Variants in FHOD3 observed in about 807,000 individuals in gnomAD.
The protein encoded by FHOD3 is formin homology 2 domain containing 3.
FHOD3 carries 90 observed loss-of-function variants against 173.0 expected under a neutral mutation model. The observed-to-expected ratio is 0.52, with a 90% confidence interval of 0.44 to 0.62. The LOEUF is 0.62. FHOD3 is among the 20% of genes least tolerant of loss of function. The pLI, the probability that FHOD3 is intolerant of heterozygous loss-of-function variation, is 0.00. For missense variants in FHOD3, 1,945 were observed against 2,034.7 expected (o/e 0.96, Z 0.85); for synonymous variants, 828 against 823.0 (o/e 1.01, Z -0.10).
At chr18:36,616,225 A>C (rs1285493601) in intron 9 of FHOD3, among the ~76,000 whole-genome samples, 3 of 152,184 alleles carry the variant, frequency 2.0e-5, no homozygotes, top group Admixed American at 2.0e-4. Flanking sequence ...TAGCCCCCTC[A>C]CCACCACGAT....
chr18:36,499,218 C>T (rs927671045), intron 3 of FHOD3, among the ~76,000 whole-genome samples: 2 of 152,210 alleles, frequency 1.3e-5, no homozygotes, highest in African/African-American at 2.4e-5. Context: ...ATTCTTCTGT[C>T]TCAGCTTCCC....
At chr18:36,609,750 C>G (rs970361365) in intron 8 of FHOD3, among the ~76,000 whole-genome samples, 2 of 151,804 alleles carry the variant, frequency 1.3e-5, no homozygotes, top group Non-Finnish European at 2.9e-5. Flanking sequence ...GCTGGGATTA[C>G]AAGCATGTGC....
At chr18:36,679,931 A>G (rs924608430) in intron 14 of FHOD3, among the ~76,000 whole-genome samples, 3 of 152,224 alleles carry the variant, frequency 2.0e-5, no homozygotes, top group African/African-American at 7.2e-5. Context: ...TATTATATGC[A>G]TAACAGTTTT....
chr18:36,443,536 G>T (rs1024312672), intron 3 of FHOD3, among the ~76,000 whole-genome samples: 16 of 151,930 alleles, frequency 1.1e-4, no homozygotes. Flanking sequence ...ATATTTTCTG[G>T]CATCTCAAGA....
chr18:36,429,354 C>T (rs769697088), intron 3 of FHOD3, among the ~76,000 whole-genome samples: 1 of 152,166 alleles, frequency 6.6e-6, no homozygotes, highest in Non-Finnish European at 1.5e-5. Flanking sequence ...ACTAAGTAGA[C>T]TTGTAATTAA....
At chr18:36,403,488 G>A (rs1907548299) in intron 3 of FHOD3, among the ~76,000 whole-genome samples, 1 of 152,090 alleles carries the variant, frequency 6.6e-6, no homozygotes, top group African/African-American at 2.4e-5. Flanking sequence ...GTGTGCCGGG[G>A]TTACTTGACC....
intron 24 of FHOD3, among the ~76,000 whole-genome samples, chr18:36,750,114 C>G (rs964094931): frequency 1.3e-5 from 2 of 152,056 alleles, no homozygotes; most frequent in Admixed American, 6.5e-5. Flanking sequence ...ACGGTGAAAC[C>G]CTGTCTCTAC....
intron 3 of FHOD3, among the ~76,000 whole-genome samples, chr18:36,428,115 G>T (rs759185756): frequency 7.9e-5 from 12 of 152,128 alleles, no homozygotes; most frequent in Non-Finnish European, 1.6e-4. Flanking sequence ...GTTAGCCTCT[G>T]CCAGGAACAT....
At chr18:36,441,661 C>T (rs1485398349) in intron 3 of FHOD3, among the ~76,000 whole-genome samples, 2 of 152,220 alleles carry the variant, frequency 1.3e-5, no homozygotes, top group East Asian at 1.9e-4. Context: ...TGGGAAACCA[C>T]ATGTTACAGG....
At chr18:36,378,974 C>T (rs1253838529) in intron 3 of FHOD3, among the ~76,000 whole-genome samples, 1 of 152,304 alleles carries the variant, frequency 6.6e-6, no homozygotes, top group African/African-American at 2.4e-5. Flanking sequence ...CATGAGCCAC[C>T]GTGTCTGGCC....
At chr18:36,744,430 C>G (rs557397271) in intron 23 of FHOD3, among the ~76,000 whole-genome samples, 1 of 152,370 alleles carries the variant, frequency 6.6e-6, no homozygotes, top group East Asian at 1.9e-4. Flanking sequence ...GCAAGGCAAG[C>G]CTGCCATCCC....
chr18:36,652,551 C>G lies in FHOD3; in HGVS notation c.1287-19C>G. Reference sequence around the variant, plus strand: ...AAATCTTTTTTTCTTCTTCCTCCTCCTCCCTGCTGGCCCAACAGCAAGGTC... The same window carrying G: ...AAATCTTTTTTTCTTCTTCCTCCTCGTCCCTGCTGGCCCAACAGCAAGGTC... On this transcript the variant is annotated intron_variant, in intron 11 of 28. Coordinates refer to ENST00000590592, the MANE Select transcript of FHOD3 (RefSeq NM_001281740.3). The G allele has an allele frequency of 6.6e-7, 1 of 1,513,596 alleles. No individual in the cohort carries two copies. Among genetic ancestry groups the G allele is most frequent in the African/African-American group, 1.4e-5 (1 of 72,458 alleles). The allele number at this position is 1,513,596 out of a possible 1,614,324, so 93.8% of individuals were successfully genotyped here. A position where few individuals can be genotyped will look rare whatever the true frequency, so the allele number is the denominator to read the frequency against.
chr18:36,662,384 T>C (rs1045335513), intron 14 of FHOD3, among the ~76,000 whole-genome samples: 5 of 152,148 alleles, frequency 3.3e-5, no homozygotes, highest in African/African-American at 1.2e-4. Flanking sequence ...CTCAGGCCCA[T>C]ACTTAGGACG....
chr18:36,613,097 T>C (rs1460259295), intron 9 of FHOD3, among the ~76,000 whole-genome samples: 1 of 152,246 alleles, frequency 6.6e-6, no homozygotes, highest in Non-Finnish European at 1.5e-5. Context: ...AAGGGAAACA[T>C]GGCCCCCAGG....
At chr18:36,387,807 C>T (rs953558173) in intron 3 of FHOD3, among the ~76,000 whole-genome samples, 4 of 152,074 alleles carry the variant, frequency 2.6e-5, no homozygotes, top group Admixed American at 6.6e-5. Flanking sequence ...CTAGTGCTAC[C>T]GTGTGCTGTC....
At chr18:36,448,898 C>T (rs958721749) in intron 3 of FHOD3, among the ~76,000 whole-genome samples, 1 of 152,014 alleles carries the variant, frequency 6.6e-6, no homozygotes, top group Middle Eastern at 3.4e-3. Flanking sequence ...TGTGACCAAA[C>T]ATGCAGCCTC....
chr18:36,342,370 AATACTAG>A (rs1568146928), intron 1 of FHOD3, among the ~76,000 whole-genome samples: 1 of 152,200 alleles, frequency 6.6e-6, no homozygotes, highest in African/African-American at 2.4e-5. Flanking sequence ...AAGTGCTGTG[AATACTAG>A]ATAGGATAAT....
chr18:36,370,855 G>A (rs545682538), intron 2 of FHOD3, among the ~76,000 whole-genome samples: 5 of 152,242 alleles, frequency 3.3e-5, no homozygotes, highest in East Asian at 1.9e-4. Flanking sequence ...TGCTGTCCCC[G>A]CTACCCCAGA....
intron 3 of FHOD3, among the ~76,000 whole-genome samples, chr18:36,443,017 C>T (rs2051243465): frequency 6.6e-6 from 1 of 152,176 alleles, no homozygotes; most frequent in Non-Finnish European, 1.5e-5. Flanking sequence ...TCAAGTTATA[C>T]ATTTTTGACA....
Sources: gnomAD v4.1 joint callset for allele counts (sites outside exome capture counted in the v4.1 genomes callset) on GRCh38, gnomAD v4.1.1 for gene constraint, MANE v1.5 for transcripts, NCBI Gene and HGNC (gene_info 2026-07-23, HGNC 2026-07-21) for gene names.